The following PLEC variants were observed in gnomAD, a reference collection of about 807,000 sequenced individuals.
The protein encoded by PLEC is hemidesmosomal protein 1.
In PLEC, 216 loss-of-function variants were observed where a neutral mutation model predicts 392.8. The observed-to-expected ratio is 0.55, with a 90% CI of 0.49 to 0.62. PLEC has a LOEUF of 0.62. Ranked by LOEUF, PLEC falls within the 20% of genes least tolerant of loss-of-function variation. The pLI is 0.00. For missense variants in PLEC, 6,863 were observed against 6,563.4 expected, an observed-to-expected ratio of 1.05 and a Z score of -1.58; for synonymous variants, 3,621 against 2,980.6, an observed-to-expected ratio of 1.21 and a Z score of -7.00.
At position 143,930,408 on chromosome 8, in the gene PLEC, G is replaced by T; in HGVS notation, c.2433C>A (p.Ala811=). 1 of 1,571,996 alleles carries T rather than the reference G, an allele frequency of 6.4e-7. No homozygotes were observed. Residue 811 remains alanine, a synonymous_variant, in exon 20 of 32, where the codon GCC becomes GCA. Coordinates refer to ENST00000345136, the MANE Select transcript of PLEC (RefSeq NM_201384.3). ...CCTCCACCTGCTTATAGTCGCACAC[G>T]GCCAGCAGGGGCAGGCGGCCCCGCA... is the stretch of plus-strand genomic sequence containing the variant. ...HPMRGRLPLL[A]VCDYKQVEVT...
upstream of PLEC, among the ~76,000 whole-genome samples, chr8:143,951,911 G>A (rs1304013442): frequency 1.3e-5 from 2 of 150,422 alleles, no homozygotes; most frequent in Non-Finnish European, 3.0e-5. Context: ...TGAGGGTCCA[G>A]GCATGAGAAC....
chr8:143,958,567 A>C, upstream of PLEC: 1 of 404,280 alleles, frequency 2.5e-6, no homozygotes, highest in Non-Finnish European at 5.2e-6. This position sits in a 1 kb window ranked among gnomAD's most constrained non-coding sequence, Gnocchi z 4.9. Context: ...CCTCAAAGAC[A>C]GTGGTAGCCT....
rs369497741 is a variant in PLEC, at chr8:143,918,744, C to T, written c.11077G>A (p.Ala3693Thr). 137 of 1,613,038 alleles carry T rather than the reference C, an allele frequency of 8.5e-5. 1 individual carries two copies. The East Asian group carries it at 1.4e-3, about 16-fold the overall frequency. Residue 3693 changes from alanine to threonine, a missense_variant, in exon 32 of 32, where the codon GCT becomes ACT. Physicochemically the swap from Ala to Thr is moderately conservative, Grantham distance 58. Transcript: ENST00000345136. ...WCYLYGTGSVAGVYLPGSRQT... is the reference protein window; with the variant it reads ...WCYLYGTGSVTGVYLPGSRQT... ...CTGGAACCGGGCAGGTAGACACCAGCCACGGAGCCCGTGCCATAGAGGTAG... is the reference window on the plus strand; with the variant it reads ...CTGGAACCGGGCAGGTAGACACCAGTCACGGAGCCCGTGCCATAGAGGTAG...
At position 143,935,056 on chromosome 8, in the gene PLEC, G is replaced by A. The variant is rs1554721831; in HGVS notation, c.780C>T (p.Asp260=). ...SIITYVSSLY[D]AMPRVPDVQD... Reference sequence around the variant, plus strand: ...GCACGTCCGGCACGCGGGGCATGGCGTCATACAGCGACGAGACGTAGGTGA... The same window carrying A: ...GCACGTCCGGCACGCGGGGCATGGCATCATACAGCGACGAGACGTAGGTGA... Residue 260 remains aspartate (D), a synonymous_variant, in exon 8 of 32, where the codon GAC becomes GAT. Transcript: ENST00000345136. 8 of 1,612,872 alleles carry A rather than the reference G, an allele frequency of 5.0e-6. No individual in the cohort carries two copies. The highest frequency in any genetic ancestry group is 3.3e-5 in the Admixed American group (2 of 60,030).
At chr8:143,931,864 G>T in intron 18 of PLEC, 73 bp downstream of exon 18, 1 of 1,451,538 alleles carries the variant, frequency 6.9e-7, no homozygotes, top group Non-Finnish European at 9.5e-7. Context: ...CCTGATTGGA[G>T]CTGCCGAGGG....
Position 143,922,218 on chromosome 8 carries a change from GC to G in PLEC, c.7602del (p.Gln2534HisfsTer131). 1 of 1,567,536 alleles carries G rather than the reference GC, an allele frequency of 6.4e-7. No homozygotes were observed. The highest frequency in any genetic ancestry group is 8.6e-7 in the Non-Finnish European group (1 of 1,159,776). ...TGCTCCATCTGCTGCTGCTGCCGCT[GC>G]TGCTCCTCACGCAGCTGCTGTGCCT... ...VAKAQQLREE[Q>X]QRQQQQMEQE... On this transcript the variant is annotated frameshift_variant, in exon 32 of 32. Transcript: ENST00000345136. LOFTEE classifies it low-confidence loss of function (END_TRUNC).
At chr8:143,931,880 A>AG in intron 18 of PLEC, 57 bp downstream of exon 18, 2 of 1,502,118 alleles carry the variant, frequency 1.3e-6, no homozygotes, top group Non-Finnish European at 1.8e-6. Context: ...GAGGGGGTCC[A>AG]GGGGCTCCTG....
At chr8:143,968,925 C>A (rs997292905) in intron 1 of PLEC, among the ~76,000 whole-genome samples, 3 of 152,172 alleles carry the variant, frequency 2.0e-5, no homozygotes, top group African/African-American at 7.2e-5. Context: ...GAATGGCACG[C>A]CCGCTTTAGG....
intron 30 of PLEC, 96 bp downstream of exon 30, chr8:143,926,688 C>G: frequency 1.9e-6 from 2 of 1,036,386 alleles, no homozygotes; most frequent in Non-Finnish European, 3.0e-6. Context: ...GGGAGGGCCA[C>G]GAGAGGTGGC....
intron 5 of PLEC, among the ~76,000 whole-genome samples, chr8:143,936,459 T>C (rs547954332): frequency 1.2e-3 from 190 of 152,166 alleles, no homozygotes; most frequent in African/African-American, 3.9e-3. Context: ...GCTCCATCGA[T>C]GGTTGCAGGC....
intron 1 of PLEC, among the ~76,000 whole-genome samples, chr8:143,972,907 G>C (rs1242885577): frequency 1.3e-5 from 2 of 152,214 alleles, no homozygotes; most frequent in Non-Finnish European, 2.9e-5. Flanking sequence ...CTAGTGAACA[G>C]AGAAGGGGTG....
Position 143,924,207 on chromosome 8 carries a change from G to A in PLEC, c.5722C>T (p.Arg1908Trp), listed in dbSNP as rs781923577. 43 of 1,598,884 alleles carry A rather than the reference G, an allele frequency of 2.7e-5. No individual in the cohort carries two copies. Among genetic ancestry groups the A allele is most frequent in the Middle Eastern group, 1.7e-4 (1 of 6,058 alleles). The change falls in exon 31 of 32, where the codon CGG becomes TGG. Residue 1908 changes from arginine to tryptophan, a missense_variant. Coordinates refer to ENST00000345136, the MANE Select transcript of PLEC (RefSeq NM_201384.3). ...GTGTCCTCCACCAGCCCCTTCTGCC[G>A]CTCCAGCTCGCTGTCCGATGCCTTG... Reference protein sequence around the residue: ...LRKASDSELERQKGLVEDTLR... With the variant: ...LRKASDSELEWQKGLVEDTLR...
intron 1 of PLEC, among the ~76,000 whole-genome samples, chr8:143,968,784 A>G (rs552800489): frequency 2.0e-5 from 3 of 152,342 alleles, no homozygotes; most frequent in African/African-American, 7.2e-5. Context: ...AATGCAAATC[A>G]AACCACAATG....
upstream of PLEC, chr8:143,942,291 C>T: frequency 2.8e-6 from 4 of 1,434,360 alleles, no homozygotes; most frequent in Non-Finnish European, 3.8e-6. Flanking sequence ...AGGCGCCACC[C>T]CCATCCCAGC....
Position 143,921,516 on chromosome 8 carries a change from A to C in PLEC, c.8305T>G (p.Ser2769Ala). ...TAGCCAGTGACGGCGCGCTCGGCCG[A>C]CAGCAGCTTGTGGTGCAGCTCGGGG... ...VGPELHHKLL[S>A]AERAVTGYKD... Residue 2769 changes from serine (S) to alanine (A), a missense_variant, in exon 32 of 32, where the codon TCG (serine) becomes GCG (alanine). Transcript: ENST00000345136. 6.2e-7 allele frequency: 1 copy of C among 1,612,956 alleles called. No homozygotes were observed.
rs199505812 is a variant in PLEC at position 143,950,558 on chromosome 8, C to T, written c.149G>A (p.Arg50His). 1.8e-4 allele frequency: 287 copies of T among 1,608,398 alleles called. 2 individuals are homozygous for T. In the African/African-American group the frequency reaches 2.4e-3, roughly 14 times the overall value. ...CCGTGCCCGCAGGGACGCCATGGCACGCATGACCTGCAGGTTGGTGACGCC... is the reference window on the plus strand; with the variant it reads ...CCGTGCCCGCAGGGACGCCATGGCATGCATGACCTGCAGGTTGGTGACGCC... Residue 50 changes from arginine to histidine, a missense_variant, in exon 1 of 32, where the codon CGT (arginine) becomes CAT (histidine). Arg to His is a conservative substitution (Grantham distance 29). Transcript: ENST00000322810.
chr8:143,936,088 C>T (rs1457806450), intron 5 of PLEC, 74 bp from the exon 6 acceptor site: 4 of 1,539,938 alleles, frequency 2.6e-6, no homozygotes, highest in East Asian at 2.3e-5. Flanking sequence ...GCCACATGCA[C>T]AGGGGCAGGG....
rs782381445 is a variant in PLEC, at chr8:143,935,872, A to T, written c.578T>A (p.Phe193Tyr). The T allele has an allele frequency of 6.2e-7, 1 of 1,612,896 alleles. No homozygotes were observed. Among genetic ancestry groups the T allele is most frequent in the South Asian group, 1.1e-5 (1 of 91,086 alleles). Reference protein sequence around the residue: ...FTSSWRDGRLFNAIIHRHKPL... With the variant: ...FTSSWRDGRLYNAIIHRHKPL... Reference sequence around the variant, plus strand: ...CTTGTGCCGGTGGATGATGGCATTGAAGAGGCGGCCGTCTCTCCAGCTGGA... The same window carrying T: ...CTTGTGCCGGTGGATGATGGCATTGTAGAGGCGGCCGTCTCTCCAGCTGGA... Residue 193 changes from phenylalanine to tyrosine, a missense_variant, in exon 6 of 32, where the codon TTC becomes TAC. Coordinates refer to ENST00000345136, the MANE Select transcript of PLEC (RefSeq NM_201384.3).
exon 1 of PLEC, chr8:143,950,564 A>C (rs782466718): frequency 1.9e-6 from 3 of 1,608,354 alleles, no homozygotes; most frequent in South Asian, 1.1e-5. Flanking sequence ...GGCACGCATG[A>C]CCTGCAGGTT....
Sources: gnomAD v4.1 joint callset for allele counts (sites outside exome capture counted in the v4.1 genomes callset) on GRCh38, gnomAD v4.1.1 for gene constraint, Gnocchi (gnomAD v3.1) non-coding constraint, MANE v1.5 for transcripts, NCBI Gene and HGNC (gene_info 2026-07-23, HGNC 2026-07-21) for gene names.